ANKAR: variants seen among roughly 807,000 people sequenced by gnomAD.
ANKAR encodes the protein ankyrin and armadillo repeat containing, also known as ankyrin and armadillo repeat-containing protein.
ANKAR carries 136 observed loss-of-function variants against 146.2 expected under a neutral mutation model. That is an observed-to-expected ratio of 0.93 (90% CI 0.81 to 1.07). The LOEUF (loss-of-function observed/expected upper bound fraction) is 1.07, where lower values mean the gene tolerates loss of function less well. ANKAR is among the 50% of genes least tolerant of loss of function. ANKAR has a pLI of 0.00. For synonymous variants in ANKAR, 500 were observed against 575.8 expected, an observed-to-expected ratio of 0.87 and a Z score of 1.88; for missense variants, 1,567 against 1,679.9, an observed-to-expected ratio of 0.93 and a Z score of 1.18.
At chr2:189,704,772 G>C (rs2038686621) in intron 7 of ANKAR, among the ~76,000 whole-genome samples, 1 of 146,352 alleles carries the variant, frequency 6.8e-6, no homozygotes, top group African/African-American at 2.5e-5. Context: ...ATTTTTCTTT[G>C]CTTATAAAAA....
At chr2:189,676,239 A>G (rs1450167546) in intron 1 of ANKAR, among the ~76,000 whole-genome samples, 2 of 152,238 alleles carry the variant, frequency 1.3e-5, no homozygotes, top group African/African-American at 4.8e-5. Flanking sequence ...TTTGAAAAGC[A>G]GAACATGGTT....
At chr2:189,715,687 C>G (rs560710554) in intron 10 of ANKAR, among the ~76,000 whole-genome samples, 43 of 152,312 alleles carry the variant, frequency 2.8e-4, no homozygotes, top group African/African-American at 9.6e-4. Flanking sequence ...CAAAAATCCT[C>G]AGTAAAAAAC....
chr2:189,724,963 G>A (rs975235169), intron 12 of ANKAR, among the ~76,000 whole-genome samples: 1 of 152,108 alleles, frequency 6.6e-6, no homozygotes, highest in Non-Finnish European at 1.5e-5. Flanking sequence ...TAAACACAGT[G>A]CATTATATAC....
Position 189,759,194 on chromosome 2 carries a change from T to C in ANKAR, c.*585-1904T>C, listed in dbSNP as rs969801548. Among the ~76,000 whole-genome samples, 20 of 152,302 alleles carry C rather than the reference T, an allele frequency of 1.3e-4. 1 individual carries two copies. The highest frequency in any genetic ancestry group is 8.5e-4 in the Admixed American group (13 of 15,298). On this transcript the variant is annotated intron_variant and NMD_transcript_variant, in intron 18 of 18. Coordinates refer to the ANKAR transcript ENST00000441800. The stretch of plus-strand genomic sequence containing the variant: ...TTGTTTGAGGCTCAATCTGCCTCTT[T>C]ACATACATTATTTCTAATGCCACCC...
At chr2:189,731,888 G>T (rs536708919) in intron 16 of ANKAR, among the ~76,000 whole-genome samples, 1 of 151,952 alleles carries the variant, frequency 6.6e-6, no homozygotes, top group Non-Finnish European at 1.5e-5. Context: ...TTTTGTTGGA[G>T]ATGGAGTTTC....
intron 14 of ANKAR, 42 bp downstream of exon 14, chr2:189,728,462 G>T: frequency 1.3e-6 from 2 of 1,554,048 alleles, no homozygotes; most frequent in Non-Finnish European, 1.7e-6. Context: ...TTTAGAGACA[G>T]GATCTTGCTC....
At chr2:189,713,164 G>C (rs1292777542) in intron 10 of ANKAR, among the ~76,000 whole-genome samples, 1 of 152,168 alleles carries the variant, frequency 6.6e-6, no homozygotes, top group Non-Finnish European at 1.5e-5. Flanking sequence ...GAAAGTGAAG[G>C]GGAGAATGGA....
chr2:189,757,631 G>A (rs1360710456), intron 18 of ANKAR, among the ~76,000 whole-genome samples: 1 of 152,196 alleles, frequency 6.6e-6, no homozygotes, highest in East Asian at 1.9e-4. Context: ...GTAGTAAATG[G>A]TTGAACCAGA....
intron 18 of ANKAR, chr2:189,753,823 G>A (rs1326795286): frequency 1.5e-6 from 2 of 1,325,530 alleles, no homozygotes; most frequent in Non-Finnish European, 2.1e-6. Context: ...AAGGCATAAA[G>A]ATCTGTTCAT....
At chr2:189,711,178 T>C in intron 10 of ANKAR, 25 bp downstream of exon 10, 1 of 1,477,326 alleles carries the variant, frequency 6.8e-7, no homozygotes, top group Non-Finnish European at 9.4e-7. Context: ...ATTAATAACT[T>C]TTTATGCTAT....
chr2:189,758,168 A>C (rs955840162), intron 18 of ANKAR, among the ~76,000 whole-genome samples: 6 of 152,178 alleles, frequency 3.9e-5, no homozygotes, highest in Non-Finnish European at 7.3e-5. Flanking sequence ...GGATCACTTG[A>C]GGTCGGGAGT....
intron 7 of ANKAR, among the ~76,000 whole-genome samples, chr2:189,700,074 TTTATG>T (rs1308506522): frequency 6.6e-6 from 1 of 152,092 alleles, no homozygotes; most frequent in African/African-American, 2.4e-5. Context: ...TCGTCCTTCC[TTTATG>T]TTATGTAAGT....
At chr2:189,697,591 C>T (rs974855199) in intron 7 of ANKAR, among the ~76,000 whole-genome samples, 5 of 152,172 alleles carry the variant, frequency 3.3e-5, no homozygotes, top group Middle Eastern at 3.4e-3. Context: ...ATACATAATA[C>T]ATAATGAACC....
rs777586646 is a variant in ANKAR, at chr2:189,677,067, A to G, written c.577A>G (p.Ile193Val). The change falls in exon 2 of 23, where the codon ATT becomes GTT. Residue 193 changes from isoleucine (I) to valine (V), a missense_variant. Coordinates refer to ENST00000684021, the MANE Select transcript of ANKAR (RefSeq NM_001378068.1). ...TGGAAAACCTCAAACAAATAAAGACATTTTTTCAGAGTTTAGTTCAGCAGG... is the reference window on the plus strand; with the variant it reads ...TGGAAAACCTCAAACAAATAAAGACGTTTTTTCAGAGTTTAGTTCAGCAGG... ...PDGKPQTNKDIFSEFSSAGLT... is the reference protein window; with the variant it reads ...PDGKPQTNKDVFSEFSSAGLT... 1.4e-5 allele frequency: 22 copies of G among 1,559,532 alleles called. No homozygotes were observed. The highest frequency in any genetic ancestry group is 1.8e-5 in the Non-Finnish European group (21 of 1,158,766).
At position 189,676,909 on chromosome 2, in the gene ANKAR, A is replaced by G. The variant is rs975704637; in HGVS notation, c.419A>G (p.Asp140Gly). 2 of 1,614,156 alleles carry G rather than the reference A, an allele frequency of 1.2e-6. No homozygotes were observed. Among genetic ancestry groups the G allele is most frequent in the African/African-American group, 1.3e-5 (1 of 75,048 alleles). ...SSCQLPPAYYDTRIGQILINI... is the reference protein window; with the variant it reads ...SSCQLPPAYYGTRIGQILINI... ...TGTCAATTACCTCCAGCTTATTATGATACCAGAATTGGGCAAATTCTGATC... is the reference window on the plus strand; with the variant it reads ...TGTCAATTACCTCCAGCTTATTATGGTACCAGAATTGGGCAAATTCTGATC... The change falls in exon 2 of 23, where the codon GAT (aspartate) becomes GGT (glycine). Residue 140 changes from aspartate to glycine, a missense_variant. Asp to Gly is a moderately conservative substitution (Grantham distance 94). Transcript: ENST00000684021.
chr2:189,693,167 C>A lies in ANKAR; in HGVS notation c.1297C>A (p.His433Asn). 6.4e-7 allele frequency: 1 copy of A among 1,552,054 alleles called. No homozygotes were observed. The highest frequency in any genetic ancestry group is 8.8e-7 in the Non-Finnish European group (1 of 1,140,782). The part of the protein sequence containing the change: ...EYYSIPVMEF[H>N]GKSYYVIYFE... The stretch of plus-strand genomic sequence containing the variant: ...TTACTCAATACCAGTCATGGAATTT[C>A]ATGGAAAAAGGTACGGAGCTTTCAC... The change falls in exon 5 of 23, where the codon CAT (histidine) becomes AAT (asparagine). Residue 433 changes from histidine (H) to asparagine (N), a missense_variant. Physicochemically the swap from His to Asn is moderately conservative, Grantham distance 68. Coordinates refer to ENST00000684021, the MANE Select transcript of ANKAR (RefSeq NM_001378068.1).
chr2:189,691,279 C>T (rs918946763), intron 3 of ANKAR, among the ~76,000 whole-genome samples: 1 of 152,240 alleles, frequency 6.6e-6, no homozygotes, highest in Non-Finnish European at 1.5e-5. Context: ...TGGTCTCGGA[C>T]TCCTGACCTC....
chr2:189,722,879 TA>T (rs757432393), intron 12 of ANKAR, among the ~76,000 whole-genome samples: 5,738 of 125,586 alleles, frequency 0.046, 143 homozygotes, highest in African/African-American at 0.081. Flanking sequence ...AGACACTGTC[TA>T]AAAAAAAAAA....
chr2:189,679,135 T>C (rs988667382), intron 2 of ANKAR, among the ~76,000 whole-genome samples: 3 of 152,242 alleles, frequency 2.0e-5, no homozygotes, highest in African/African-American at 4.8e-5. Flanking sequence ...GTAAAAATTA[T>C]TCACCTCCTT....
Sources: gnomAD v4.1 joint callset for allele counts (sites outside exome capture counted in the v4.1 genomes callset) on GRCh38, gnomAD v4.1.1 for gene constraint, MANE v1.5 for transcripts, NCBI Gene and HGNC (gene_info 2026-07-23, HGNC 2026-07-21) for gene names.